SPAG16: variants seen among roughly 807,000 people sequenced by gnomAD.
The protein encoded by SPAG16 is sperm associated antigen 16.
A neutral mutation model predicts 80.4 loss-of-function variants in SPAG16; 86 were observed. That is an observed-to-expected ratio of 1.07 (90% CI 0.90 to 1.28). The LOEUF (loss-of-function observed/expected upper bound fraction) is 1.28, where lower values mean the gene tolerates loss of function less well. SPAG16 is among the 50% of genes most tolerant of loss of function. The pLI is 0.00. For synonymous variants in SPAG16, 294 were observed against 265.9 expected (o/e 1.11, Z -1.03); for missense variants, 870 against 765.3 (o/e 1.14, Z -1.61).
intron 15 of SPAG16, among the ~76,000 whole-genome samples, chr2:214,263,795 T>A (rs1040563959): frequency 6.6e-6 from 1 of 152,218 alleles, no homozygotes; most frequent in Non-Finnish European, 1.5e-5. Flanking sequence ...AAATAAATAG[T>A]ATGCAATTAA....
chr2:213,593,549 T>A (rs929585668), intron 10 of SPAG16, among the ~76,000 whole-genome samples: 11 of 151,964 alleles, frequency 7.2e-5, no homozygotes, highest in African/African-American at 2.7e-4. Context: ...TTTGTATTAT[T>A]TATATTTGTA....
In SPAG16 at chr2:213,595,197, A is replaced by G. The variant is rs1160204592; in HGVS notation, c.1070+105107A>G. Among the ~76,000 whole-genome samples, 3 of 152,152 alleles carry G rather than the reference A, an allele frequency of 2.0e-5. No homozygotes were observed. In the East Asian group the frequency reaches 5.8e-4, roughly 29 times the overall value. On this transcript the variant is annotated intron_variant, in intron 10 of 15. Transcript: ENST00000331683. ...CAAATGATAGGCTGCTATTCCATCA[A>G]AATAAAAATAACACATTCAAAAGAA...
intron 13 of SPAG16, among the ~76,000 whole-genome samples, chr2:214,061,798 G>T (rs1482155169): frequency 6.6e-6 from 1 of 152,082 alleles, no homozygotes; most frequent in East Asian, 1.9e-4. Context: ...CAGTAGTGAG[G>T]AGTAAGCAGC....
In SPAG16 at chr2:213,317,240, A is replaced by G. The variant is rs1268864517; in HGVS notation, c.420A>G (p.Gly140=). Residue 140 remains glycine (G), a synonymous_variant, in exon 5 of 16, where the codon GGA becomes GGG. Transcript: ENST00000331683. Reference sequence around the variant, plus strand: ...CTAGGTATGAGTTAATACAGAAAGGAGTGACTGAACTTAGAACTGTTGGGA... The same window carrying G: ...CTAGGTATGAGTTAATACAGAAAGGGGTGACTGAACTTAGAACTGTTGGGA... ...QSEWYELIQK[G]VTELRTVGNV... is the part of the protein sequence containing the mutation. 4 of 1,601,496 alleles carry G rather than the reference A, an allele frequency of 2.5e-6. No individual in the cohort carries two copies. Among genetic ancestry groups the G allele is most frequent in the Non-Finnish European group, 3.4e-6 (4 of 1,173,422 alleles).
chr2:214,042,433 AAACAACAACAAC>A (rs150244128), intron 13 of SPAG16, among the ~76,000 whole-genome samples: 9 of 149,744 alleles, frequency 6.0e-5, no homozygotes, highest in African/African-American at 1.5e-4. Flanking sequence ...AACAAAAACA[AAACAACAACAAC>A]AACAACAACA....
intron 15 of SPAG16, among the ~76,000 whole-genome samples, chr2:214,381,577 C>A (rs1423517976): frequency 6.6e-6 from 1 of 152,210 alleles, no homozygotes; most frequent in South Asian, 2.1e-4. Context: ...GAATTATCTG[C>A]AAAATTGTTG....
intron 10 of SPAG16, among the ~76,000 whole-genome samples, chr2:213,629,972 G>A (rs866171365): frequency 1.4e-4 from 22 of 152,276 alleles, no homozygotes; most frequent in South Asian, 4.1e-4. Flanking sequence ...CAGCCTAGGC[G>A]TGTTAACTAG....
chr2:213,889,615 A>C (rs6735936), intron 11 of SPAG16, among the ~76,000 whole-genome samples: 88,547 of 149,674 alleles, frequency 0.59, 27,996 homozygotes, highest in South Asian at 0.85. Flanking sequence ...CACACACACA[A>C]AATATATATA....
intron 9 of SPAG16, among the ~76,000 whole-genome samples, chr2:213,454,231 T>C (rs1477657650): frequency 6.6e-6 from 1 of 152,192 alleles, no homozygotes; most frequent in African/African-American, 2.4e-5. Context: ...AAAAATTATG[T>C]ATTAATTTCA....
chr2:213,442,848 G>A (rs924203611), intron 9 of SPAG16, among the ~76,000 whole-genome samples: 1 of 152,000 alleles, frequency 6.6e-6, no homozygotes, highest in Non-Finnish European at 1.5e-5. Flanking sequence ...CCTTGGATTT[G>A]GTGGATATAG....
At chr2:213,838,983 G>A (rs977880963) in intron 10 of SPAG16, among the ~76,000 whole-genome samples, 5 of 152,154 alleles carry the variant, frequency 3.3e-5, no homozygotes, top group Non-Finnish European at 4.4e-5. Flanking sequence ...TAACAGTCAC[G>A]TGGTTACCGT....
chr2:214,077,545 GT>G (rs1407538422), intron 13 of SPAG16, among the ~76,000 whole-genome samples: 1 of 152,218 alleles, frequency 6.6e-6, no homozygotes, highest in Non-Finnish European at 1.5e-5. Flanking sequence ...AAGTCATCTA[GT>G]CACTTGTCCT....
intron 15 of SPAG16, among the ~76,000 whole-genome samples, chr2:214,389,773 C>T (rs144607252): frequency 1.3e-5 from 2 of 152,294 alleles, no homozygotes; most frequent in Non-Finnish European, 2.9e-5. Flanking sequence ...TACAAAAATA[C>T]CTTTTAGTCA....
chr2:214,283,018 G>C (rs929511724), intron 15 of SPAG16, among the ~76,000 whole-genome samples: 4 of 152,078 alleles, frequency 2.6e-5, no homozygotes, highest in Non-Finnish European at 5.9e-5. Context: ...GACTCAGCAT[G>C]AGATATATAG....
chr2:214,076,979 G>T (rs2051112795), intron 13 of SPAG16, among the ~76,000 whole-genome samples: 1 of 152,136 alleles, frequency 6.6e-6, no homozygotes, highest in African/African-American at 2.4e-5. Context: ...CTTTGGAAAT[G>T]AACCCAGGCC....
chr2:214,351,227 A>G (rs1698384296), intron 15 of SPAG16, among the ~76,000 whole-genome samples: 2 of 152,190 alleles, frequency 1.3e-5, no homozygotes, highest in Admixed American at 6.5e-5. Flanking sequence ...GAGAAAGAAT[A>G]AGGTTAGTAT....
At chr2:213,762,305 C>T (rs775850641) in intron 10 of SPAG16, among the ~76,000 whole-genome samples, 16 of 152,130 alleles carry the variant, frequency 1.1e-4, no homozygotes, top group Middle Eastern at 3.4e-3. Context: ...GGTTGTACAA[C>T]ATTATGAACA....
intron 13 of SPAG16, among the ~76,000 whole-genome samples, chr2:214,094,883 C>A (rs2052477452): frequency 6.6e-6 from 1 of 152,006 alleles, no homozygotes; most frequent in Non-Finnish European, 1.5e-5. Context: ...GTCCCAGGTG[C>A]ATCATCCACA....
At chr2:213,354,921 G>C (rs112710092) in intron 7 of SPAG16, among the ~76,000 whole-genome samples, 3,630 of 152,246 alleles carry the variant, frequency 0.024, 60 homozygotes, top group African/African-American at 0.039. Flanking sequence ...TGGTGTTTTA[G>C]TCACAAAGTC....
Sources: gnomAD v4.1 joint callset for allele counts (sites outside exome capture counted in the v4.1 genomes callset) on GRCh38, gnomAD v4.1.1 for gene constraint, MANE v1.5 for transcripts, NCBI Gene and HGNC (gene_info 2026-07-23, HGNC 2026-07-21) for gene names.